TSNARE1: variants seen among roughly 807,000 people sequenced by gnomAD.
TSNARE1 encodes the protein t-SNARE domain-containing protein 1.
TSNARE1 carries 49 observed loss-of-function variants against 62.0 expected under a neutral mutation model. The ratio of observed to expected loss-of-function variants is 0.79; its 90% CI spans 0.63 to 1.00. The LOEUF is 1.00. Ranked by LOEUF, TSNARE1 falls within the 50% of genes least tolerant of loss-of-function variation. The pLI, the probability that TSNARE1 is intolerant of heterozygous loss-of-function variation, is 0.00. For synonymous variants in TSNARE1, 328 were observed against 294.4 expected (o/e 1.11, Z -1.17); for missense variants, 755 against 700.1 (o/e 1.08, Z -0.88).
intron 6 of TSNARE1, among the ~76,000 whole-genome samples, chr8:142,323,078 C>T (rs947502849): frequency 6.6e-5 from 10 of 151,338 alleles, no homozygotes; most frequent in African/African-American, 2.2e-4. Context: ...TATGAAAGGC[C>T]GGCCTGGCTG....
At position 142,253,229 on chromosome 8, in the gene TSNARE1, A is replaced by G. The variant is rs576573859; in HGVS notation, c.1446+21552T>C. Among the ~76,000 whole-genome samples, 143 of 152,328 alleles carry G rather than the reference A, an allele frequency of 9.4e-4. 2 individuals carry two copies. The highest frequency in any genetic ancestry group is 2.2e-4 in the Non-Finnish European group (15 of 68,014). On this transcript the variant is annotated intron_variant, in intron 12 of 13. Coordinates refer to ENST00000524325, the MANE Select transcript of TSNARE1 (RefSeq NM_145003.5). ...GGAGGGCCGGTAGCCGTGGAGTCAC[A>G]GCAGTGGTGACGGCGGTGCCTGCAG...
chr8:142,390,151 G>A lies in TSNARE1; in HGVS notation c.-40+12953C>T, dbSNP rs145025447. On this transcript the variant is annotated intron_variant, in intron 1 of 13. Coordinates refer to ENST00000524325, the MANE Select transcript of TSNARE1 (RefSeq NM_145003.5). The stretch of plus-strand genomic sequence containing the variant: ...AGGGCACTTACCATGAACGGGGCTT[G>A]CAGGACTAGAAGTTGCCTGCGTGCG... Among the ~76,000 whole-genome samples, 159 of 152,338 alleles carry A rather than the reference G, an allele frequency of 1.0e-3. 1 individual carries two copies. The highest frequency in any genetic ancestry group is 3.4e-3 in the Middle Eastern group (1 of 294).
chr8:142,255,788 T>C (rs369386007), intron 12 of TSNARE1, among the ~76,000 whole-genome samples: 20 of 20,108 alleles, frequency 9.9e-4, no homozygotes, highest in Admixed American at 2.6e-3. Context: ...ATCACCACCA[T>C]CATCACCATC....
intron 4 of TSNARE1, among the ~76,000 whole-genome samples, chr8:142,334,019 T>C (rs1202927176): frequency 3.3e-5 from 5 of 152,228 alleles, no homozygotes; most frequent in African/African-American, 4.8e-5. Flanking sequence ...TCCTTACATA[T>C]TTTCAGTTCA....
intron 1 of TSNARE1, among the ~76,000 whole-genome samples, chr8:142,380,328 C>A (rs895866368): frequency 1.3e-4 from 20 of 152,124 alleles, no homozygotes; most frequent in Admixed American, 6.5e-5. Context: ...TCCTTCCGGG[C>A]ACCACCGGAC....
chr8:142,343,879 G>A, intron 4 of TSNARE1, 87 bp downstream of exon 4: 2 of 1,293,318 alleles, frequency 1.5e-6, no homozygotes, highest in Non-Finnish European at 2.0e-6. Context: ...TGTGGAGGAA[G>A]ATGCAGGGCA....
intron 4 of TSNARE1, among the ~76,000 whole-genome samples, chr8:142,334,956 G>C (rs1831547535): frequency 6.6e-6 from 1 of 152,244 alleles, no homozygotes; most frequent in Admixed American, 6.5e-5. Context: ...TAGGGTGAAA[G>C]TAACAGCAAG....
At chr8:142,337,118 A>C (rs1831858287) in intron 4 of TSNARE1, among the ~76,000 whole-genome samples, 1 of 152,234 alleles carries the variant, frequency 6.6e-6, no homozygotes. Flanking sequence ...GGTGAGCAGA[A>C]ACCAATTAAA....
At chr8:142,242,614 G>A (rs2130198730) in intron 12 of TSNARE1, among the ~76,000 whole-genome samples, 1 of 152,308 alleles carries the variant, frequency 6.6e-6, no homozygotes, top group East Asian at 1.9e-4. Context: ...AGGACCTGAT[G>A]ATTTTTAAAA....
intron 13 of TSNARE1, among the ~76,000 whole-genome samples, chr8:142,216,945 T>A (rs938317313): frequency 6.6e-6 from 1 of 152,036 alleles, no homozygotes; most frequent in African/African-American, 2.4e-5. Flanking sequence ...TGAACAGTCG[T>A]GGAGAAACTG....
In TSNARE1 at chr8:142,283,937, TTCTGTCAATGAGCAGGGTGGGGGCCAGTG is replaced by T. The variant is rs1407532359; in HGVS notation, c.1363+447_1363+475del. ...GTCAGTGAGGGGAGCAGGGACCAGG[TTCTGTCAATGAGCAGGGTGGGGGCCAGTG>T]TCTGTCAAAGAGCAGAGTATGGAGC... On this transcript the variant is annotated intron_variant, in intron 11 of 13. Transcript: ENST00000524325. Among the ~76,000 whole-genome samples, 5 of 125,760 alleles carry T rather than the reference TTCTGTCAATGAGCAGGGTGGGGGCCAGTG, an allele frequency of 4.0e-5. 1 individual carries two copies. Among genetic ancestry groups the T allele is most frequent in the African/African-American group, 1.4e-4 (5 of 34,952 alleles). The allele number at this position is 125,760 out of a possible 152,430, so 82.5% of individuals were successfully genotyped here.
At chr8:142,391,855 G>A (rs574384087) in intron 1 of TSNARE1, among the ~76,000 whole-genome samples, 45 of 152,322 alleles carry the variant, frequency 3.0e-4, no homozygotes, top group Middle Eastern at 3.4e-3. Context: ...CTGGTAGCAC[G>A]AGCTGAGCAC....
chr8:142,321,686 C>G (rs535917452), intron 6 of TSNARE1, among the ~76,000 whole-genome samples: 1 of 152,112 alleles, frequency 6.6e-6, no homozygotes, highest in East Asian at 1.9e-4. Flanking sequence ...ATATCAGGCC[C>G]ATAAATTTGA....
In TSNARE1 at chr8:142,221,709, CCACT is replaced by C. The variant is rs1270347141; in HGVS notation, c.*11+7760_*11+7763del. On this transcript the variant is annotated intron_variant, in intron 13 of 13. Coordinates refer to ENST00000524325, the MANE Select transcript of TSNARE1 (RefSeq NM_145003.5). ...CTCACTCACTCATCCACTCACTCAT[CCACT>C]CACTCACTCATTCACTCACTCATTC... Among the ~76,000 whole-genome samples the C allele has an allele frequency of 2.9e-5, 3 of 103,816 alleles. 1 individual carries two copies. Among genetic ancestry groups the C allele is most frequent in the East Asian group, 6.0e-4 (2 of 3,318 alleles). The allele number at this position is 103,816 out of a possible 152,430, so 68.1% of individuals were successfully genotyped here. A position where few individuals can be genotyped will look rare whatever the true frequency, so the allele number is the denominator to read the frequency against.
intron 1 of TSNARE1, among the ~76,000 whole-genome samples, chr8:142,392,249 T>C (rs1397540620): frequency 2.0e-5 from 3 of 152,102 alleles, no homozygotes; most frequent in Non-Finnish European, 4.4e-5. Flanking sequence ...CTCAAACTCC[T>C]GACCTCAGGT....
chr8:142,283,814 G>A (rs1260703878), intron 11 of TSNARE1, among the ~76,000 whole-genome samples: 6 of 131,414 alleles, frequency 4.6e-5, no homozygotes, highest in Non-Finnish European at 1.0e-4. Context: ...ATGAGCGGAG[G>A]TGGGGCCAGT....
rs753492642 is a variant in TSNARE1 at position 142,256,073 on chromosome 8, TCAC to T, written c.1446+18705_1446+18707del. 3.8e-4 allele frequency among the ~76,000 whole-genome samples: 21 copies of T among 54,646 alleles called. 2 individuals carry two copies. The highest frequency in any genetic ancestry group is 1.5e-3 in the Admixed American group (9 of 6,088). The allele number at this position is 54,646 out of a possible 152,430, so 35.8% of individuals were successfully genotyped here. On this transcript the variant is annotated intron_variant, in intron 12 of 13. Transcript: ENST00000524325. The stretch of plus-strand genomic sequence containing the variant: ...GTCACCATCACCACCACCATCACCA[TCAC>T]CACCACCACCACCACTGTCAGCATC...
intron 2 of TSNARE1, among the ~76,000 whole-genome samples, chr8:142,353,004 G>A (rs531097918): frequency 1.7e-3 from 261 of 152,216 alleles, no homozygotes; most frequent in Non-Finnish European, 3.0e-3. Flanking sequence ...AGCTGACACC[G>A]TGCCCTGCCT....
Position 142,320,378 on chromosome 8 carries a change from G to A in TSNARE1, c.894-1744C>T, listed in dbSNP as rs116289227. 6.6e-3 allele frequency among the ~76,000 whole-genome samples: 938 copies of A among 141,996 alleles called. 6 individuals are homozygous for A. The highest frequency in any genetic ancestry group is 0.02 in the Middle Eastern group (5 of 252). The allele number at this position is 141,996 out of a possible 152,430, so 93.2% of individuals were successfully genotyped here. On this transcript the variant is annotated intron_variant, in intron 6 of 13. Transcript: ENST00000524325. ...ACCTCTGACTTCACCTCCCCACACC[G>A]CCCTCCTGCACCTGCAACTTCACCT...
Sources: allele counts gnomAD v4.1 joint callset (sites outside exome capture counted in the v4.1 genomes callset), GRCh38; gene constraint gnomAD v4.1.1; transcripts MANE v1.5; gene names NCBI Gene and HGNC (gene_info 2026-07-23, HGNC 2026-07-21).